The following LRFN5 variants were observed in gnomAD, a reference collection of about 807,000 sequenced individuals.
LRFN5 encodes leucine-rich repeat and fibronectin type-III domain-containing protein 5.
In LRFN5, 24 loss-of-function variants were observed where a neutral mutation model predicts 45.6. That is an observed-to-expected ratio of 0.53 (90% CI 0.38 to 0.74). LRFN5 has a LOEUF of 0.74. Among genes scored for constraint, LRFN5 ranks in the 30% least tolerant of loss-of-function variants. The pLI, the probability that LRFN5 is intolerant of heterozygous loss-of-function variation, is 0.00. For missense variants in LRFN5, 776 were observed against 861.5 expected (o/e 0.90, Z 1.24); for synonymous variants, 340 against 313.8 (o/e 1.08, Z -0.88).
chr14:41,637,118 A>G (rs980722058), intron 1 of LRFN5, among the ~76,000 whole-genome samples: 2 of 152,124 alleles, frequency 1.3e-5, no homozygotes, highest in Non-Finnish European at 2.9e-5. Flanking sequence ...TTCCATTTCC[A>G]GTTCATTCTG....
chr14:41,901,243 C>T (rs748722431), intron 5 of LRFN5, among the ~76,000 whole-genome samples: 11 of 152,010 alleles, frequency 7.2e-5, no homozygotes, highest in South Asian at 2.1e-4. Flanking sequence ...GAAATTGACA[C>T]TTACCTATAA....
In LRFN5 at chr14:41,745,734, T is replaced by C. The variant is rs569951474; in HGVS notation, c.-196-21120T>C. On this transcript the variant is annotated intron_variant, in intron 1 of 5. Transcript: ENST00000298119. ...AATAAAAAGGATTACGAAATTATCC[T>C]GAACAATTGTATATCTACAAACTGA... Among the ~76,000 whole-genome samples the C allele has an allele frequency of 5.9e-5, 9 of 152,110 alleles. No homozygotes were observed. The South Asian group carries it at 1.7e-3, about 28-fold the overall frequency.
At chr14:41,888,647 G>A (rs944569675) in intron 3 of LRFN5, among the ~76,000 whole-genome samples, 3 of 152,082 alleles carry the variant, frequency 2.0e-5, no homozygotes, top group Non-Finnish European at 4.4e-5. Context: ...GTGTGTCTGT[G>A]TGGTTGTGTT....
At chr14:41,835,165 A>G (rs922287156) in intron 2 of LRFN5, among the ~76,000 whole-genome samples, 1 of 152,192 alleles carries the variant, frequency 6.6e-6, no homozygotes, top group African/African-American at 2.4e-5. Flanking sequence ...ATTATTTAGC[A>G]GTTTCCATTT....
intron 2 of LRFN5, among the ~76,000 whole-genome samples, chr14:41,872,334 G>A (rs1474919745): frequency 6.6e-6 from 1 of 152,102 alleles, no homozygotes; most frequent in South Asian, 2.1e-4. Flanking sequence ...AGTATCTAAA[G>A]TATCTATAGA....
In LRFN5 at chr14:41,612,423, A is replaced by C. The variant is rs188393182; in HGVS notation, c.-197+3861A>C. Among the ~76,000 whole-genome samples, 236 of 152,258 alleles carry C rather than the reference A, an allele frequency of 1.5e-3. 1 individual carries two copies. Among genetic ancestry groups the C allele is most frequent in the Non-Finnish European group, 2.8e-3 (190 of 67,984 alleles). On this transcript the variant is annotated intron_variant, in intron 1 of 5. Transcript: ENST00000298119. Reference sequence around the variant, plus strand: ...TTTTCTGTTTACTTAAAAATGTAACATATTGGCGTTATCTTCAGGGTTTTG... The same window carrying C: ...TTTTCTGTTTACTTAAAAATGTAACCTATTGGCGTTATCTTCAGGGTTTTG...
intron 2 of LRFN5, among the ~76,000 whole-genome samples, chr14:41,804,335 C>T (rs1001435980): frequency 2.0e-5 from 3 of 151,766 alleles, no homozygotes; most frequent in African/African-American, 7.3e-5. Flanking sequence ...CTGGGTAGGG[C>T]CCACAGGACA....
At chr14:41,857,756 C>T (rs1889521724) in intron 2 of LRFN5, among the ~76,000 whole-genome samples, 1 of 152,138 alleles carries the variant, frequency 6.6e-6, no homozygotes, top group Non-Finnish European at 1.5e-5. Context: ...TACTAGAAGT[C>T]TCAAAAAATG....
chr14:41,651,212 C>A (rs1457011506), intron 1 of LRFN5, among the ~76,000 whole-genome samples: 1 of 151,996 alleles, frequency 6.6e-6, no homozygotes, highest in Non-Finnish European at 1.5e-5. Flanking sequence ...TTTTTAACAA[C>A]CAGAAACAAT....
At chr14:41,698,950 A>G (rs1472068036) in intron 1 of LRFN5, among the ~76,000 whole-genome samples, 1 of 152,068 alleles carries the variant, frequency 6.6e-6, no homozygotes, top group Admixed American at 6.6e-5. Context: ...AGAAAATTTA[A>G]TTATATCAGA....
chr14:41,657,673 T>G (rs1440963717), intron 1 of LRFN5, among the ~76,000 whole-genome samples: 1 of 151,990 alleles, frequency 6.6e-6, no homozygotes, highest in East Asian at 1.9e-4. Context: ...TTAGACACCT[T>G]TGTGATGATA....
intron 1 of LRFN5, among the ~76,000 whole-genome samples, chr14:41,626,413 G>A (rs1888335176): frequency 6.6e-6 from 1 of 152,032 alleles, no homozygotes; most frequent in South Asian, 2.1e-4. Context: ...ATGCCTGGCT[G>A]CTAATGGGAA....
intron 1 of LRFN5, among the ~76,000 whole-genome samples, chr14:41,631,184 T>C (rs557018744): frequency 1.3e-5 from 2 of 152,318 alleles, no homozygotes; most frequent in African/African-American, 4.8e-5. Context: ...TCTCAACTAT[T>C]ACTATTCCTC....
chr14:41,893,320 AACTT>A (rs1327393055), intron 4 of LRFN5: 2 of 958,122 alleles, frequency 2.1e-6, no homozygotes, highest in Non-Finnish European at 2.5e-6. Flanking sequence ...CTCCTTGAAA[AACTT>A]AATTATATAA....
intron 1 of LRFN5, among the ~76,000 whole-genome samples, chr14:41,764,316 T>G (rs1216423457): frequency 1.3e-5 from 2 of 152,178 alleles, no homozygotes; most frequent in Non-Finnish European, 2.9e-5. Flanking sequence ...TTTGTAGCAC[T>G]AAAATAGAAA....
At chr14:41,617,417 G>T (rs1403556634) in intron 1 of LRFN5, among the ~76,000 whole-genome samples, 3 of 152,094 alleles carry the variant, frequency 2.0e-5, no homozygotes, top group Non-Finnish European at 2.9e-5. Flanking sequence ...GTTCTAAAGA[G>T]GATGCTCTGT....
At chr14:41,614,667 A>G (rs139067010) in intron 1 of LRFN5, among the ~76,000 whole-genome samples, 237 of 151,830 alleles carry the variant, frequency 1.6e-3, no homozygotes, top group African/African-American at 3.7e-3. Context: ...ATGGAATTCT[A>G]CCCCCCTTGG....
At chr14:41,783,372 G>A (rs1432546644) in intron 2 of LRFN5, among the ~76,000 whole-genome samples, 1 of 152,070 alleles carries the variant, frequency 6.6e-6, no homozygotes, top group Non-Finnish European at 1.5e-5. Context: ...CTCTCTGGAT[G>A]TGCCTGAGTC....
chr14:41,780,447 A>G (rs185963423), intron 2 of LRFN5, among the ~76,000 whole-genome samples: 1 of 152,190 alleles, frequency 6.6e-6, no homozygotes, highest in Admixed American at 6.5e-5. Flanking sequence ...TCTATCCCTA[A>G]TAACTTTCAT....
Sources: allele counts gnomAD v4.1 joint callset (sites outside exome capture counted in the v4.1 genomes callset), GRCh38; gene constraint gnomAD v4.1.1; transcripts MANE v1.5; gene names NCBI Gene and HGNC (gene_info 2026-07-23, HGNC 2026-07-21).